MCPH1: variants seen among roughly 807,000 people sequenced by gnomAD.
The protein encoded by MCPH1 is microcephalin.
A neutral mutation model predicts 84.5 loss-of-function variants in MCPH1; 104 were observed. That is an observed-to-expected ratio of 1.23 (90% CI 1.05 to 1.45). MCPH1 has a LOEUF of 1.45. Ranked by LOEUF, MCPH1 falls within the 40% of genes most tolerant of loss-of-function variation. MCPH1 has a pLI of 0.00. For missense variants in MCPH1, 1,498 were observed against 1,005.7 expected (o/e 1.49, Z -6.62); for synonymous variants, 514 against 366.8 (o/e 1.40, Z -4.58).
chr8:6,406,952 C>T (rs1241819453), intron 1 of MCPH1: 6 of 537,384 alleles, frequency 1.1e-5, no homozygotes, highest in Admixed American at 2.9e-5. Context: ...TCCCCCCAAA[C>T]CCCCGACTGC....
chr8:6,476,268 G>C (rs1316022449), intron 9 of MCPH1, among the ~76,000 whole-genome samples: 1 of 151,810 alleles, frequency 6.6e-6, no homozygotes, highest in Non-Finnish European at 1.5e-5. Flanking sequence ...GTCTCTACTA[G>C]AAATACAAAA....
intron 3 of MCPH1, among the ~76,000 whole-genome samples, chr8:6,427,104 G>T (rs563135231): frequency 6.6e-6 from 1 of 152,294 alleles, no homozygotes; most frequent in South Asian, 2.1e-4. Context: ...TGAAACAGTG[G>T]TAAGTATTTG....
intron 13 of MCPH1, chr8:6,626,566 G>T (rs989689899): frequency 2.0e-6 from 2 of 980,696 alleles, no homozygotes; most frequent in Admixed American, 6.5e-5. Context: ...TCAAATTCCC[G>T]GCCCTAGGAA....
At chr8:6,489,713 T>A (rs1467694896) in intron 11 of MCPH1, among the ~76,000 whole-genome samples, 3 of 152,170 alleles carry the variant, frequency 2.0e-5, no homozygotes, top group African/African-American at 7.2e-5. Context: ...CTGTGAAGTG[T>A]GACTCGAGCC....
At chr8:6,446,185 A>G (rs923697209) in intron 8 of MCPH1, 39 of 886,022 alleles carry the variant, frequency 4.4e-5, no homozygotes, top group Non-Finnish European at 4.6e-5. Context: ...AATTGTAATT[A>G]TAATAAACCA....
chr8:6,424,886 G>T (rs1049153475), intron 3 of MCPH1, among the ~76,000 whole-genome samples: 2 of 152,214 alleles, frequency 1.3e-5, no homozygotes, highest in Admixed American at 1.3e-4. Flanking sequence ...TTCGCGGCTG[G>T]AATCTTCAAG....
At chr8:6,564,477 G>A (rs2515508) in intron 12 of MCPH1, among the ~76,000 whole-genome samples, 117,154 of 152,100 alleles carry the variant, frequency 0.77, 48,087 homozygotes, top group East Asian at 0.94. Flanking sequence ...TGTAAGTTCT[G>A]CAAGTCACTT....
At chr8:6,485,189 G>T (rs879815173) in intron 11 of MCPH1, among the ~76,000 whole-genome samples, 17 of 152,224 alleles carry the variant, frequency 1.1e-4, no homozygotes, top group Admixed American at 9.8e-4. Flanking sequence ...GCTGGGCACG[G>T]TGGCAGGTGC....
chr8:6,410,082 G>C (rs1798326294), intron 2 of MCPH1, among the ~76,000 whole-genome samples: 1 of 151,934 alleles, frequency 6.6e-6, no homozygotes, highest in African/African-American at 2.4e-5. Context: ...CGATTGTCCT[G>C]CCTCAGCCTT....
At chr8:6,611,436 A>G (rs1237699748) in intron 12 of MCPH1, among the ~76,000 whole-genome samples, 1 of 152,166 alleles carries the variant, frequency 6.6e-6, no homozygotes, top group Non-Finnish European at 1.5e-5. Context: ...AACACTTAAC[A>G]TTGACCAATT....
chr8:6,594,379 G>A (rs545030807), intron 12 of MCPH1, among the ~76,000 whole-genome samples: 184 of 152,344 alleles, frequency 1.2e-3, no homozygotes, highest in Middle Eastern at 3.4e-3. Context: ...TTTCACTGCA[G>A]TGCAGCCCAG....
chr8:6,458,289 G>A (rs921291262), intron 9 of MCPH1, among the ~76,000 whole-genome samples: 5 of 151,932 alleles, frequency 3.3e-5, no homozygotes, highest in African/African-American at 4.8e-5. Flanking sequence ...TGGCTAAGAC[G>A]GTGAAACCCC....
rs117101543 is a variant in MCPH1 at position 6,458,806 on chromosome 8, G to C, written c.1935+3554G>C. Among the ~76,000 whole-genome samples the C allele has an allele frequency of 1.6e-4, 25 of 152,112 alleles. No homozygotes were observed. The East Asian group carries it at 4.7e-3, about 28-fold the overall frequency. ...ACCACAGGCACCCGCCAGCACGCCT[G>C]GCTAATTTTTTAAGTTTTTTGTAGA... On this transcript the variant is annotated intron_variant, in intron 9 of 13. Coordinates refer to ENST00000344683, the MANE Select transcript of MCPH1 (RefSeq NM_024596.5).
At chr8:6,567,582 G>A (rs1026071571) in intron 12 of MCPH1, among the ~76,000 whole-genome samples, 5 of 152,132 alleles carry the variant, frequency 3.3e-5, no homozygotes, top group East Asian at 3.8e-4. Flanking sequence ...ATGGATGGGC[G>A]CTCAGCTGTG....
At chr8:6,447,326 T>G in intron 8 of MCPH1, 2 of 985,342 alleles carry the variant, frequency 2.0e-6, no homozygotes, top group Non-Finnish European at 2.4e-6. Flanking sequence ...TCTGGTGAAA[T>G]TATGGAGGGG....
At chr8:6,596,106 T>C (rs1828906665) in intron 12 of MCPH1, among the ~76,000 whole-genome samples, 1 of 152,188 alleles carries the variant, frequency 6.6e-6, no homozygotes, top group South Asian at 2.1e-4. Flanking sequence ...GGAGTGGCCC[T>C]TTTATGCTTG....
At chr8:6,619,637 T>C (rs1831203844) in intron 12 of MCPH1, among the ~76,000 whole-genome samples, 1 of 146,916 alleles carries the variant, frequency 6.8e-6, no homozygotes, top group Admixed American at 6.8e-5. Flanking sequence ...CAGGCTGGAG[T>C]GCAGTGGCAC....
chr8:6,440,450 A>G (rs1010361349), intron 6 of MCPH1, among the ~76,000 whole-genome samples: 1 of 152,092 alleles, frequency 6.6e-6, no homozygotes, highest in African/African-American at 2.4e-5. Flanking sequence ...CAGGACATGC[A>G]CTCCTGGGCT....
chr8:6,437,498 G>A (rs1009345476), intron 5 of MCPH1, among the ~76,000 whole-genome samples: 1 of 152,150 alleles, frequency 6.6e-6, no homozygotes, highest in African/African-American at 2.4e-5. Context: ...CAAAGTGCTG[G>A]GATTACAGGC....
Sources: gnomAD v4.1 joint callset for allele counts (sites outside exome capture counted in the v4.1 genomes callset) on GRCh38, gnomAD v4.1.1 for gene constraint, MANE v1.5 for transcripts, NCBI Gene and HGNC (gene_info 2026-07-23, HGNC 2026-07-21) for gene names.